The following ZDHHC13 variants were observed in gnomAD, a reference collection of about 807,000 sequenced individuals.
ZDHHC13 encodes the protein zDHHC palmitoyltransferase 13.
A neutral mutation model predicts 86.0 loss-of-function variants in ZDHHC13; 85 were observed. That is an observed-to-expected ratio of 0.99 (90% CI 0.83 to 1.18). ZDHHC13 has a LOEUF of 1.18. Among genes scored for constraint, ZDHHC13 ranks in the 50% most tolerant of loss-of-function variants. The probability of loss-of-function intolerance (pLI) is 0.00; values close to 1 mark genes in which losing one functional copy is unlikely to be tolerated. For synonymous variants in ZDHHC13, 263 were observed against 246.4 expected, an observed-to-expected ratio of 1.07 and a Z score of -0.63; for missense variants, 711 against 730.2, an observed-to-expected ratio of 0.97 and a Z score of 0.30.
chr11:19,168,552 T>C (rs941203109), intron 14 of ZDHHC13: 3 of 152,838 alleles, frequency 2.0e-5, no homozygotes, highest in African/African-American at 7.2e-5. Flanking sequence ...CTTACAACTG[T>C]ATAAACTAGC....
chr11:19,135,361 C>T (rs1054566806), intron 1 of ZDHHC13, among the ~76,000 whole-genome samples: 11 of 152,352 alleles, frequency 7.2e-5, no homozygotes, highest in South Asian at 2.1e-4. Context: ...TGCGCTTTTC[C>T]GACGGGCTTA....
intron 1 of ZDHHC13, among the ~76,000 whole-genome samples, chr11:19,130,131 A>G (rs114168227): frequency 0.016 from 2,454 of 152,260 alleles, 66 homozygotes; most frequent in African/African-American, 0.056. Flanking sequence ...TGTTTTCTGA[A>G]GGAGTTAGTA....
At chr11:19,136,108 G>C (rs1307377940) in intron 1 of ZDHHC13, among the ~76,000 whole-genome samples, 3 of 152,320 alleles carry the variant, frequency 2.0e-5, no homozygotes, top group African/African-American at 7.2e-5. Context: ...GAAGGCTTCA[G>C]ACGATCAAAT....
At chr11:19,142,698 G>A (rs138594606) in intron 1 of ZDHHC13, among the ~76,000 whole-genome samples, 65 of 151,902 alleles carry the variant, frequency 4.3e-4, no homozygotes, top group Middle Eastern at 3.4e-3. Flanking sequence ...CTACTGAACA[G>A]AATTAAGATA....
chr11:19,147,673 G>T lies in ZDHHC13; in HGVS notation c.374G>T (p.Arg125Leu). Residue 125 changes from arginine to leucine, a missense_variant and splice_region_variant, in exon 4 of 17, where the codon CGA becomes CTA. Coordinates refer to ENST00000446113, the MANE Select transcript of ZDHHC13 (RefSeq NM_019028.3). ...LNSTPLHWAI[R>L]QGHLPMVILL... ...TCAACTCCTCTTCACTGGGCCATCC[G>T]GTAAGGTTTCTTTGAACACTGAAAT... The T allele has an allele frequency of 1.3e-6, 2 of 1,594,282 alleles. No homozygotes were observed. Among genetic ancestry groups the T allele is most frequent in the East Asian group, 2.3e-5 (1 of 44,384 alleles).
rs1295382303 is a variant in ZDHHC13, at chr11:19,147,029, A to G, written c.297-567A>G. Among the ~76,000 whole-genome samples the G allele has an allele frequency of 5.9e-5, 9 of 152,294 alleles. No individual in the cohort carries two copies. In the East Asian group the frequency reaches 1.5e-3, roughly 26 times the overall value. ...GTAATGAGACTAATTCCTATAAACC[A>G]TAGAAGAAAATCAGTCTTATTACCT... is the stretch of plus-strand genomic sequence containing the variant. On this transcript the variant is annotated intron_variant, in intron 3 of 16. Coordinates refer to ENST00000446113, the MANE Select transcript of ZDHHC13 (RefSeq NM_019028.3).
In ZDHHC13 at chr11:19,152,567, A is replaced by C; in HGVS notation, c.756A>C (p.Thr252=). The change falls in exon 8 of 17, where the codon ACA becomes ACC. Residue 252 remains threonine (T), a synonymous_variant. Transcript: ENST00000446113. ...SLDIQNVKGE[T]PLDMALQNKN... Reference sequence around the variant, plus strand: ...CCCTACTCTTTTTTAAGGGAGAAACACCTCTTGATATGGCTCTACAAAACA... The same window carrying C: ...CCCTACTCTTTTTTAAGGGAGAAACCCCTCTTGATATGGCTCTACAAAACA... 6.2e-7 allele frequency: 1 copy of C among 1,608,780 alleles called. No individual in the cohort carries two copies.
At chr11:19,156,372 A>G (rs1849756710) in intron 9 of ZDHHC13, among the ~76,000 whole-genome samples, 1 of 152,180 alleles carries the variant, frequency 6.6e-6, no homozygotes, top group Non-Finnish European at 1.5e-5. Flanking sequence ...ATAAAATAGT[A>G]AATATGGTAT....
chr11:19,149,079 A>C, intron 4 of ZDHHC13, 108 bp from the exon 5 acceptor site: 1 of 1,055,056 alleles, frequency 9.5e-7, no homozygotes. Flanking sequence ...GTTAGGAAAT[A>C]TTTTTTATAT....
Position 19,147,679 on chromosome 11 carries a change from G to T in ZDHHC13, c.374+6G>T. ...CCTCTTCACTGGGCCATCCGGTAAGGTTTCTTTGAACACTGAAATTAAATA... is the reference window on the plus strand; with the variant it reads ...CCTCTTCACTGGGCCATCCGGTAAGTTTTCTTTGAACACTGAAATTAAATA... On this transcript the variant is annotated splice_donor_region_variant and intron_variant, in intron 4 of 16. Coordinates refer to ENST00000446113, the MANE Select transcript of ZDHHC13 (RefSeq NM_019028.3). 1 of 1,588,476 alleles carries T rather than the reference G, an allele frequency of 6.3e-7. No homozygotes were observed. Among genetic ancestry groups the T allele is most frequent in the Non-Finnish European group, 8.6e-7 (1 of 1,165,752 alleles).
At position 19,164,312 on chromosome 11, in the gene ZDHHC13, C is replaced by T. The variant is rs1289531499; in HGVS notation, c.1245C>T (p.Thr415=). The change falls in exon 12 of 17, where the codon ACC becomes ACT. Residue 415 remains threonine (T), a synonymous_variant. Coordinates refer to ENST00000446113, the MANE Select transcript of ZDHHC13 (RefSeq NM_019028.3). The part of the protein sequence containing the change: ...SEEEKKVNII[T]LAETGSLDFR... ...TTCATGTCTTTCAGAATATCATCAC[C>T]CTTGCAGAAACTGGCTCTCTGGACT... is the stretch of plus-strand genomic sequence containing the variant. The T allele has an allele frequency of 2.5e-6, 4 of 1,612,922 alleles. No individual in the cohort carries two copies. The Admixed American group carries it at 5.0e-5, about 20-fold the overall frequency.
At chr11:19,142,900 T>C in intron 1 of ZDHHC13, 78 bp from the exon 2 acceptor site, 1 of 1,395,050 alleles carries the variant, frequency 7.2e-7, no homozygotes, top group East Asian at 2.5e-5. Flanking sequence ...ATATTGTTGA[T>C]AGTAGCAAAT....
intron 1 of ZDHHC13, among the ~76,000 whole-genome samples, chr11:19,137,378 A>G (rs1347797389): frequency 6.6e-6 from 1 of 152,192 alleles, no homozygotes; most frequent in Admixed American, 6.5e-5. Context: ...TGTCCTAAAC[A>G]TATATGCACC....
chr11:19,136,929 A>G (rs1043042081), intron 1 of ZDHHC13, among the ~76,000 whole-genome samples: 3 of 152,182 alleles, frequency 2.0e-5, no homozygotes, highest in Non-Finnish European at 4.4e-5. Context: ...CTAAACATGG[A>G]AAGGAACAAC....
intron 1 of ZDHHC13, among the ~76,000 whole-genome samples, chr11:19,135,074 A>G (rs1474565921): frequency 1.3e-5 from 2 of 152,152 alleles, no homozygotes; most frequent in African/African-American, 4.8e-5. Flanking sequence ...AGGAGCCAAG[A>G]TGGCCGAATA....
chr11:19,161,208 T>C (rs1849902223), intron 10 of ZDHHC13, among the ~76,000 whole-genome samples: 1 of 152,020 alleles, frequency 6.6e-6, no homozygotes, highest in Non-Finnish European at 1.5e-5. Flanking sequence ...ACTGGCCTAT[T>C]AGGGGAAGAC....
At chr11:19,136,253 G>A (rs901949707) in intron 1 of ZDHHC13, among the ~76,000 whole-genome samples, 17 of 152,124 alleles carry the variant, frequency 1.1e-4, no homozygotes, top group Admixed American at 3.9e-4. Flanking sequence ...TGAAAACCAA[G>A]GCTCGAGAAC....
At chr11:19,127,552 A>G (rs1848904949) in intron 1 of ZDHHC13, among the ~76,000 whole-genome samples, 1 of 152,006 alleles carries the variant, frequency 6.6e-6, no homozygotes, top group African/African-American at 2.4e-5. Flanking sequence ...GGTATGTCCT[A>G]GGTTTTTTTC....
intron 7 of ZDHHC13, 98 bp downstream of exon 7, chr11:19,152,418 C>A (rs1849636748): frequency 1.4e-6 from 2 of 1,463,576 alleles, no homozygotes; most frequent in Non-Finnish European, 1.8e-6. Context: ...TTTCAGTTAC[C>A]CCAAGATAGA....
Sources: allele counts gnomAD v4.1 joint callset (sites outside exome capture counted in the v4.1 genomes callset), GRCh38; gene constraint gnomAD v4.1.1; transcripts MANE v1.5; gene names NCBI Gene and HGNC (gene_info 2026-07-23, HGNC 2026-07-21).